The following SNX9 variants were observed in gnomAD, a reference collection of about 807,000 sequenced individuals.
SNX9 encodes sorting nexin-9.
Under a neutral mutation model 89.4 loss-of-function variants are expected in SNX9, and 44 were observed. The ratio of observed to expected loss-of-function variants is 0.49; its 90% CI spans 0.39 to 0.63. SNX9 has a LOEUF of 0.63. Ranked by LOEUF, SNX9 falls within the 30% of genes least tolerant of loss-of-function variation. The pLI is 0.00. For synonymous variants in SNX9, 236 were observed against 247.8 expected, an observed-to-expected ratio of 0.95 and a Z score of 0.45; for missense variants, 578 against 736.1, an observed-to-expected ratio of 0.79 and a Z score of 2.49.
At chr6:157,890,592 C>T (rs183620360) in intron 4 of SNX9, among the ~76,000 whole-genome samples, 89 of 152,176 alleles carry the variant, frequency 5.8e-4, no homozygotes, top group Admixed American at 3.5e-3. Context: ...TAGATTTAAG[C>T]GTGTCCCAGA....
At chr6:157,886,401 AT>A (rs747096789) in intron 4 of SNX9, among the ~76,000 whole-genome samples, 176 of 152,324 alleles carry the variant, frequency 1.2e-3, no homozygotes, top group Non-Finnish European at 2.3e-3. Flanking sequence ...CTTTTATTTT[AT>A]TGTTACAGAA....
At position 157,873,939 on chromosome 6, in the gene SNX9, T is replaced by G. The variant is rs866084484; in HGVS notation, c.174+763T>G. On this transcript the variant is annotated intron_variant, in intron 3 of 17. Transcript: ENST00000392185. The stretch of plus-strand genomic sequence containing the variant: ...CCTGGCGCCCCCTGCTGGTTGTCTT[T>G]CGGTCCCTCCAAACCGAGCGAAGGT... 1.5e-4 allele frequency among the ~76,000 whole-genome samples: 23 copies of G among 152,326 alleles called. No homozygotes were observed. In the Middle Eastern group the frequency reaches 0.01, roughly 68 times the overall value.
In SNX9 at chr6:157,839,127, A is replaced by T. The variant is rs573416871; in HGVS notation, c.12+15681A>T. Among the ~76,000 whole-genome samples, 5 of 152,316 alleles carry T rather than the reference A, an allele frequency of 3.3e-5. No homozygotes were observed. The South Asian group carries it at 1.0e-3, about 32-fold the overall frequency. ...TAATAAAATACAGGTTTACTTAAAAACGCTGGACTTCATAGTACCTTTTTG... is the reference window on the plus strand; with the variant it reads ...TAATAAAATACAGGTTTACTTAAAATCGCTGGACTTCATAGTACCTTTTTG... On this transcript the variant is annotated intron_variant, in intron 1 of 17. Transcript: ENST00000392185.
At chr6:157,883,712 TC>T (rs1368883240) in intron 4 of SNX9, among the ~76,000 whole-genome samples, 1 of 152,220 alleles carries the variant, frequency 6.6e-6, no homozygotes, top group Non-Finnish European at 1.5e-5. Flanking sequence ...GGCTTGCTCT[TC>T]TGAGAATAAC....
intron 17 of SNX9, among the ~76,000 whole-genome samples, chr6:157,941,891 C>G (rs918684304): frequency 6.6e-6 from 1 of 152,234 alleles, no homozygotes; most frequent in Non-Finnish European, 1.5e-5. Flanking sequence ...GACGTGGGCC[C>G]TATGCTCTTT....
At position 157,823,967 on chromosome 6, in the gene SNX9, G is replaced by C. The variant is rs1221515771; in HGVS notation, c.12+521G>C. Among the ~76,000 whole-genome samples, 1 of 152,204 alleles carries C rather than the reference G, an allele frequency of 6.6e-6. No homozygotes were observed. The highest frequency in any genetic ancestry group is 6.5e-5 in the Admixed American group (1 of 15,284). Reference sequence around the variant, plus strand: ...CTGCGGGGGCTCGCGGCCGGGGAGGGACCGAGGCTGGGACGCCCCGCGCCC... The same window carrying C: ...CTGCGGGGGCTCGCGGCCGGGGAGGCACCGAGGCTGGGACGCCCCGCGCCC... On this transcript the variant is annotated intron_variant, in intron 1 of 17. Coordinates refer to ENST00000392185, the MANE Select transcript of SNX9 (RefSeq NM_016224.5). The surrounding 1 kb of genome is among the most constrained non-coding windows in gnomAD (Gnocchi z 4.6).
At chr6:157,926,554 G>A (rs1346611886) in intron 10 of SNX9, among the ~76,000 whole-genome samples, 1 of 152,008 alleles carries the variant, frequency 6.6e-6, no homozygotes, top group Non-Finnish European at 1.5e-5. Context: ...GGCTGAGGTG[G>A]GCAGATTGCT....
chr6:157,863,573 A>T (rs1253152507), intron 1 of SNX9, among the ~76,000 whole-genome samples: 1 of 152,204 alleles, frequency 6.6e-6, no homozygotes, highest in East Asian at 1.9e-4. Flanking sequence ...TAGTTGAAGA[A>T]TGAGTTCTTG....
chr6:157,934,913 A>G (rs1783892980), intron 13 of SNX9, among the ~76,000 whole-genome samples: 1 of 152,228 alleles, frequency 6.6e-6, no homozygotes, highest in Non-Finnish European at 1.5e-5. Flanking sequence ...ACAGTGAACC[A>G]GGGTTCCTAT....
chr6:157,904,413 G>A (rs374212489), intron 6 of SNX9, among the ~76,000 whole-genome samples: 15 of 151,766 alleles, frequency 9.9e-5, no homozygotes, highest in East Asian at 9.7e-4. Flanking sequence ...CAGCTTGGGC[G>A]ACACAGAGAC....
At chr6:157,853,481 T>C (rs1583200308) in intron 1 of SNX9, among the ~76,000 whole-genome samples, 1 of 152,232 alleles carries the variant, frequency 6.6e-6, no homozygotes, top group African/African-American at 2.4e-5. Flanking sequence ...CTGTAGGTTA[T>C]AGTTTTCACA....
intron 5 of SNX9, among the ~76,000 whole-genome samples, chr6:157,898,415 G>A (rs748779468): frequency 1.3e-5 from 2 of 152,160 alleles, no homozygotes; most frequent in Non-Finnish European, 2.9e-5. Context: ...CTGAGCCCAC[G>A]TTCTGATCTC....
chr6:157,943,309 A>T lies in SNX9; in HGVS notation c.*471A>T, dbSNP rs1784080873. The T allele has an allele frequency of 6.6e-6, 1 of 152,508 alleles. No homozygotes were observed. Among genetic ancestry groups the T allele is most frequent in the African/African-American group, 2.4e-5 (1 of 41,472 alleles). 9.4% of individuals were successfully genotyped at this position (152,508 alleles called of 1,614,324 possible). A position where few individuals can be genotyped will look rare whatever the true frequency, so the allele number is the denominator to read the frequency against. ...ATATCTATGTTTGTATATTTTTATA[A>T]CTCCTTTCAGTCCTCTGGGGCTCCT... On this transcript the variant is annotated 3_prime_UTR_variant, in exon 18 of 18. Transcript: ENST00000392185.
At chr6:157,891,374 G>T (rs1782856906) in intron 4 of SNX9, among the ~76,000 whole-genome samples, 1 of 151,958 alleles carries the variant, frequency 6.6e-6, no homozygotes, top group Non-Finnish European at 1.5e-5. Context: ...CACTTATTCT[G>T]TGATCGACCA....
At chr6:157,916,248 A>T (rs1192261563) in intron 9 of SNX9, among the ~76,000 whole-genome samples, 1 of 152,040 alleles carries the variant, frequency 6.6e-6, no homozygotes, top group Non-Finnish European at 1.5e-5. Flanking sequence ...GTTAGCCAGG[A>T]TGGTCTCGAT....
chr6:157,874,947 C>T, intron 3 of SNX9, 104 bp from the exon 4 acceptor site: 1 of 1,290,258 alleles, frequency 7.8e-7, no homozygotes. Context: ...AAATTTGTAG[C>T]ATTGAAGAAT....
chr6:157,870,891 A>T (rs1034638569), intron 2 of SNX9, among the ~76,000 whole-genome samples: 2 of 151,492 alleles, frequency 1.3e-5, no homozygotes, highest in African/African-American at 4.9e-5. Context: ...GCAAGCACGC[A>T]CACACCCCTC....
At chr6:157,919,395 TTC>T (rs1375253383) in intron 9 of SNX9, among the ~76,000 whole-genome samples, 1 of 152,212 alleles carries the variant, frequency 6.6e-6, no homozygotes, top group East Asian at 1.9e-4. Flanking sequence ...TAAGTTTTTT[TTC>T]TCTGTGTTCT....
chr6:157,826,791 T>TATATATTATATTTTATATATAA (rs1781355894), intron 1 of SNX9, among the ~76,000 whole-genome samples: 5 of 119,108 alleles, frequency 4.2e-5, no homozygotes, highest in South Asian at 4.4e-4. Flanking sequence ...TTATATTATA[T>TATATATTATATTTTATATATAA]ATATATATTA....
Sources: gnomAD v4.1 joint callset for allele counts (sites outside exome capture counted in the v4.1 genomes callset) on GRCh38, gnomAD v4.1.1 for gene constraint, Gnocchi (gnomAD v3.1) non-coding constraint, MANE v1.5 for transcripts, NCBI Gene and HGNC (gene_info 2026-07-23, HGNC 2026-07-21) for gene names.